The following TAX1BP1 variants were observed in gnomAD, a reference collection of about 807,000 sequenced individuals.
The protein encoded by TAX1BP1 is tax1-binding protein 1.
Under a neutral mutation model 97.7 loss-of-function variants are expected in TAX1BP1, and 62 were observed. The ratio of observed to expected loss-of-function variants is 0.63; its 90% confidence interval spans 0.52 to 0.78. The LOEUF (loss-of-function observed/expected upper bound fraction) is 0.78, where lower values mean the gene tolerates loss of function less well. Ranked by LOEUF, TAX1BP1 falls within the 30% of genes least tolerant of loss-of-function variation. TAX1BP1 has a pLI of 0.00. For missense variants in TAX1BP1, 867 were observed against 916.1 expected (o/e 0.95, Z 0.69); for synonymous variants, 340 against 304.2 (o/e 1.12, Z -1.23).
intron 4 of TAX1BP1, 115 bp from the exon 5 acceptor site, chr7:27,769,561 G>A: frequency 1.2e-6 from 1 of 806,846 alleles, no homozygotes; most frequent in Non-Finnish European, 1.9e-6. Context: ...TAGAATGTAA[G>A]AGTTCTTTCT....
At chr7:27,748,796 T>C (rs186156111) in intron 2 of TAX1BP1, 110 bp downstream of exon 2, 1 of 746,860 alleles carries the variant, frequency 1.3e-6, no homozygotes, top group East Asian at 3.3e-5. Flanking sequence ...GACTCATTTT[T>C]GTAAACATCA....
intron 13 of TAX1BP1, among the ~76,000 whole-genome samples, chr7:27,812,578 T>C (rs933268319): frequency 4.0e-5 from 6 of 150,856 alleles, no homozygotes; most frequent in African/African-American, 7.5e-5. Flanking sequence ...TATGAAGATA[T>C]TCTCCTATTT....
At chr7:27,758,425 C>A in intron 3 of TAX1BP1, 1 of 200,844 alleles carries the variant, frequency 5.0e-6, no homozygotes, top group Non-Finnish European at 1.0e-5. Context: ...GAAAACAATA[C>A]AATAGTAATA....
At chr7:27,766,281 G>T (rs1345802375) in intron 4 of TAX1BP1, among the ~76,000 whole-genome samples, 1 of 151,838 alleles carries the variant, frequency 6.6e-6, no homozygotes. Flanking sequence ...TTAGACGGGC[G>T]TGGTGGCAGG....
At chr7:27,792,896 A>G (rs1789774404) in intron 9 of TAX1BP1, among the ~76,000 whole-genome samples, 170 bp from the exon 10 acceptor site, 1 of 152,166 alleles carries the variant, frequency 6.6e-6, no homozygotes, top group African/African-American at 2.4e-5. Context: ...CAGGAGGTCA[A>G]GGCTGCAGTG....
At chr7:27,806,630 T>C (rs1790351873) in intron 13 of TAX1BP1, among the ~76,000 whole-genome samples, 1 of 152,308 alleles carries the variant, frequency 6.6e-6, no homozygotes, top group East Asian at 1.9e-4. Flanking sequence ...CATATGGTAG[T>C]AACATGGTGT....
At chr7:27,827,012 A>G (rs1791199784) in intron 15 of TAX1BP1, among the ~76,000 whole-genome samples, 1 of 152,202 alleles carries the variant, frequency 6.6e-6, no homozygotes, top group African/African-American at 2.4e-5. Flanking sequence ...AATTAAGCTT[A>G]CAGTTATTAA....
At chr7:27,809,916 T>G (rs1351869786) in intron 13 of TAX1BP1, among the ~76,000 whole-genome samples, 1 of 152,104 alleles carries the variant, frequency 6.6e-6, no homozygotes, top group Non-Finnish European at 1.5e-5. Flanking sequence ...GTGCCTTTTT[T>G]TTTTTGGGAG....
chr7:27,796,055 C>T (rs979479713), intron 11 of TAX1BP1, 61 bp from the exon 12 acceptor site: 18 of 1,268,948 alleles, frequency 1.4e-5, no homozygotes, highest in East Asian at 7.1e-5. Context: ...TTATTCTGAA[C>T]AGGAAGATAA....
At chr7:27,766,506 T>TC (rs1283939852) in intron 4 of TAX1BP1, among the ~76,000 whole-genome samples, 1 of 150,706 alleles carries the variant, frequency 6.6e-6, no homozygotes, top group Non-Finnish European at 1.5e-5. Context: ...TAGAGTGTCT[T>TC]TTTTTGAAAT....
chr7:27,745,410 G>T (rs1787781326), intron 1 of TAX1BP1, among the ~76,000 whole-genome samples: 4 of 142,790 alleles, frequency 2.8e-5, no homozygotes, highest in African/African-American at 1.1e-4. Context: ...GTGGGAATTA[G>T]AAATTTTATT....
rs753712992 is a variant in TAX1BP1 at position 27,796,215 on chromosome 7, T to A, written c.1634T>A (p.Leu545Ter). Residue 545 changes from leucine (L) to a stop codon, truncating the protein, a stop_gained, in exon 12 of 17, where the codon TTG becomes TAG. Coordinates refer to ENST00000396319, the MANE Select transcript of TAX1BP1 (RefSeq NM_006024.7). LOFTEE classifies it high-confidence loss of function. ...AAGTATAATAAATGTAAACAACTCT[T>A]GCAGGTAAGTTAACTACCTTGTAAG... Reference protein sequence around the residue: ...TEKYNKCKQLLQDEKAKCNKY... With the variant: ...TEKYNKCKQL 5.7e-6 allele frequency: 9 copies of A among 1,576,872 alleles called. No individual in the cohort carries two copies. In the Admixed American group the frequency reaches 1.8e-4, roughly 32 times the overall value.
At chr7:27,765,517 C>T (rs1035329671) in intron 3 of TAX1BP1, among the ~76,000 whole-genome samples, 1 of 152,120 alleles carries the variant, frequency 6.6e-6, no homozygotes, top group Non-Finnish European at 1.5e-5. Flanking sequence ...TTGGTTCTTC[C>T]CTTGCTCCTC....
At chr7:27,823,869 T>C (rs540243195) in intron 15 of TAX1BP1, among the ~76,000 whole-genome samples, 174 of 152,318 alleles carry the variant, frequency 1.1e-3, no homozygotes, top group Non-Finnish European at 1.7e-3. Context: ...TATTTGTCTT[T>C]TTGCGAGTGG....
chr7:27,808,772 G>A (rs1209876272), intron 13 of TAX1BP1, among the ~76,000 whole-genome samples: 1 of 152,152 alleles, frequency 6.6e-6, no homozygotes, highest in Non-Finnish European at 1.5e-5. Context: ...AGTAAGAGAT[G>A]ACTACTTCTG....
At chr7:27,778,908 A>G (rs1789137441) in intron 5 of TAX1BP1, among the ~76,000 whole-genome samples, 1 of 151,890 alleles carries the variant, frequency 6.6e-6, no homozygotes, top group Non-Finnish European at 1.5e-5. Flanking sequence ...GTATATTTAT[A>G]GAGTCATGCC....
intron 13 of TAX1BP1, chr7:27,803,291 A>C (rs1022460369): frequency 5.3e-5 from 56 of 1,058,662 alleles, no homozygotes; most frequent in Non-Finnish European, 6.6e-5. Context: ...GTTCAAATTT[A>C]GGAAAACAGT....
At chr7:27,749,384 A>C (rs1338153261) in intron 2 of TAX1BP1, among the ~76,000 whole-genome samples, 1 of 152,250 alleles carries the variant, frequency 6.6e-6, no homozygotes, top group Admixed American at 6.5e-5. Flanking sequence ...ATGTCCAAAC[A>C]GTAAAACACA....
chr7:27,750,900 C>T lies in TAX1BP1; in HGVS notation c.162+2214C>T, dbSNP rs193267873. On this transcript the variant is annotated intron_variant, in intron 2 of 16. Transcript: ENST00000396319. ...CTATTGCAATAGGTCAGCTGTTTTACCCACTTTCATTCTTGTCCTCTAACC... is the reference window on the plus strand; with the variant it reads ...CTATTGCAATAGGTCAGCTGTTTTATCCACTTTCATTCTTGTCCTCTAACC... Among the ~76,000 whole-genome samples the T allele has an allele frequency of 3.2e-3, 485 of 152,240 alleles. 1 individual carries two copies. Among genetic ancestry groups the T allele is most frequent in the Middle Eastern group, 0.02 (6 of 294 alleles).
Sources: gnomAD v4.1 joint callset for allele counts (sites outside exome capture counted in the v4.1 genomes callset) on GRCh38, gnomAD v4.1.1 for gene constraint, MANE v1.5 for transcripts, NCBI Gene and HGNC (gene_info 2026-07-23, HGNC 2026-07-21) for gene names.